GRSF1: variants seen among roughly 807,000 people sequenced by gnomAD.
GRSF1 encodes G-rich sequence factor 1.
Under a neutral mutation model 51.1 loss-of-function variants are expected in GRSF1, and 50 were observed. The observed-to-expected ratio is 0.98, with a 90% CI of 0.78 to 1.24. The LOEUF is 1.24. GRSF1 is among the 50% of genes most tolerant of loss of function. The pLI is 0.00. For missense variants in GRSF1, 700 were observed against 639.7 expected (o/e 1.09, Z -1.02); for synonymous variants, 293 against 253.3 (o/e 1.16, Z -1.49).
In GRSF1 at chr4:70,839,739, A is replaced by T; in HGVS notation, c.89T>A (p.Leu30Gln). 2 of 1,502,894 alleles carry T rather than the reference A, an allele frequency of 1.3e-6. No individual in the cohort carries two copies. Among genetic ancestry groups the T allele is most frequent in the Non-Finnish European group, 1.8e-6 (2 of 1,133,440 alleles). 93.1% of individuals were successfully genotyped at this position (1,502,894 alleles called of 1,614,324 possible). A position where few individuals can be genotyped will look rare whatever the true frequency, so the allele number is the denominator to read the frequency against. ...AGAGCCAGCGGCGGAGTAGAAGGGC[A>T]GGCAGGCGGCGCCGGTGCGCCGGCA... ...SSCRRTGAAC[L>Q]PFYSAAGSIP... The change falls in exon 1 of 10, where the codon CTG (leucine) becomes CAG (glutamine). Residue 30 changes from leucine (L) to glutamine (Q), a missense_variant. Physicochemically the swap from Leu to Gln is moderately radical, Grantham distance 113 (BLOSUM62 -2). Transcript: ENST00000254799.
intron 8 of GRSF1, 56 bp from the exon 9 acceptor site, chr4:70,824,424 C>A (rs1463273171): frequency 4.5e-6 from 4 of 894,006 alleles, no homozygotes; most frequent in East Asian, 5.3e-5. Flanking sequence ...AAAAATATTA[C>A]AGCCATTTTT....
At chr4:70,831,480 A>T in intron 5 of GRSF1, 59 bp downstream of exon 5, 3 of 1,466,432 alleles carry the variant, frequency 2.0e-6, no homozygotes, top group South Asian at 2.4e-5. Flanking sequence ...ATTACAGCAC[A>T]TTCATCAAAA....
At chr4:70,834,825 A>G (rs558333376) in intron 2 of GRSF1, among the ~76,000 whole-genome samples, 1 of 151,928 alleles carries the variant, frequency 6.6e-6, no homozygotes, top group Non-Finnish European at 1.5e-5. Context: ...GGGTTTCAAC[A>G]TGTTAGCCAG....
chr4:70,825,548 T>G, intron 7 of GRSF1, 117 bp from the exon 8 acceptor site: 1 of 683,356 alleles, frequency 1.5e-6, no homozygotes. Flanking sequence ...ACATTTCTTT[T>G]TAGGAAATCT....
intron 2 of GRSF1, among the ~76,000 whole-genome samples, chr4:70,834,780 C>A (rs1004808518): frequency 2.6e-5 from 4 of 152,080 alleles, no homozygotes; most frequent in African/African-American, 9.7e-5. Context: ...TGCCACCACG[C>A]CCGGCTAATT....
rs979777239 is a variant in GRSF1 at position 70,820,253 on chromosome 4, G to A, written c.*634C>T. On this transcript the variant is annotated 3_prime_UTR_variant, in exon 10 of 10. Transcript: ENST00000254799. ...ACGCCTTTAGCACAAGGCTTAGAAA[G>A]GCAAAACATTTCTAAAGACATAAAA... 6.6e-6 allele frequency: 1 copy of A among 152,572 alleles called. No homozygotes were observed. Among genetic ancestry groups the A allele is most frequent in the Admixed American group, 6.5e-5 (1 of 15,272 alleles). The allele number at this position is 152,572 out of a possible 1,614,324, so 9.5% of individuals were successfully genotyped here. A position where few individuals can be genotyped will look rare whatever the true frequency, so the allele number is the denominator to read the frequency against.
rs77486851 is a variant in GRSF1 at position 70,818,118 on chromosome 4, A to C, written c.*2769T>G. On this transcript the variant is annotated 3_prime_UTR_variant, in exon 10 of 10. Coordinates refer to ENST00000254799, the MANE Select transcript of GRSF1 (RefSeq NM_002092.4). ...CAATGGTGTGATCTTGGCTCGCTAC[A>C]ACCTCTGCCTCCCAGGTTCAAGCGA... The C allele has an allele frequency of 1.3e-5, 2 of 152,256 alleles. No individual in the cohort carries two copies. Among genetic ancestry groups the C allele is most frequent in the African/African-American group, 4.8e-5 (2 of 41,404 alleles). The allele number at this position is 152,256 out of a possible 1,614,324, so 9.4% of individuals were successfully genotyped here.
At chr4:70,824,551 G>A (rs946870384) in intron 8 of GRSF1, among the ~76,000 whole-genome samples, 183 bp from the exon 9 acceptor site, 3 of 152,098 alleles carry the variant, frequency 2.0e-5, no homozygotes, top group South Asian at 2.1e-4. Flanking sequence ...TTGGGAAGCC[G>A]AAGTGGGAGG....
chr4:70,842,933 G>A (rs1054647862), upstream of GRSF1, among the ~76,000 whole-genome samples: 5 of 152,068 alleles, frequency 3.3e-5, no homozygotes, highest in Middle Eastern at 3.2e-3. Flanking sequence ...AAGGTCACAC[G>A]CTCTCTCACA....
At chr4:70,838,866 G>T in intron 1 of GRSF1, 1 of 294,954 alleles carries the variant, frequency 3.4e-6, no homozygotes, top group Non-Finnish European at 6.6e-6. Flanking sequence ...AGTCCTTAAA[G>T]ACCTTCTGTA....
chr4:70,837,029 G>A lies in GRSF1; in HGVS notation c.358-715C>T, dbSNP rs1322358191. Among the ~76,000 whole-genome samples the A allele has an allele frequency of 2.6e-5, 4 of 152,300 alleles. No homozygotes were observed. The East Asian group carries it at 7.7e-4, about 29-fold the overall frequency. On this transcript the variant is annotated intron_variant, in intron 1 of 9. Coordinates refer to ENST00000254799, the MANE Select transcript of GRSF1 (RefSeq NM_002092.4). ...TCCTTCACTTGGTAGGCAAAGATAA[G>A]TTAATACAAGACACTGAGGACTGGG...
Position 70,816,275 on chromosome 4 carries a change from AG to A in GRSF1, c.*4611del, listed in dbSNP as rs1434741397. On this transcript the variant is annotated 3_prime_UTR_variant, in exon 10 of 10. Coordinates refer to ENST00000254799, the MANE Select transcript of GRSF1 (RefSeq NM_002092.4). ...TGAGGCAGGAGACTCCCTTGAACCC[AG>A]GAGGTGGAGGTTGCAGTGAGCCAAG... 6.8e-6 allele frequency: 1 copy of A among 146,020 alleles called. No individual in the cohort carries two copies. The highest frequency in any genetic ancestry group is 1.5e-5 in the Non-Finnish European group (1 of 66,516). 9.0% of individuals were successfully genotyped at this position (146,020 alleles called of 1,614,324 possible).
upstream of GRSF1, chr4:70,840,026 C>A (rs911554435): frequency 1.2e-5 from 6 of 508,548 alleles, no homozygotes; most frequent in East Asian, 2.1e-4. Flanking sequence ...GGCGGGGCTG[C>A]CCATGGTTTG....
chr4:70,838,865 A>G (rs1332971692), intron 1 of GRSF1: 6 of 293,826 alleles, frequency 2.0e-5, no homozygotes, highest in African/African-American at 1.4e-4. Flanking sequence ...CAGTCCTTAA[A>G]GACCTTCTGT....
chr4:70,830,105 G>T (rs1464077727), intron 5 of GRSF1, among the ~76,000 whole-genome samples: 1 of 152,094 alleles, frequency 6.6e-6, no homozygotes. Context: ...AAGGGGGGAA[G>T]AATAAGTAAG....
intron 5 of GRSF1, among the ~76,000 whole-genome samples, 191 bp downstream of exon 5, chr4:70,831,346 ACT>A (rs1379130417): frequency 1.3e-5 from 2 of 150,984 alleles, no homozygotes; most frequent in Admixed American, 6.6e-5. Context: ...AAAGAGTGAA[ACT>A]CTGTCTCAAA....
rs545296425 is a variant in GRSF1 at position 70,819,119 on chromosome 4, T to A, written c.*1768A>T. Reference sequence around the variant, plus strand: ...AGATATATCCTTTCAACCTTACCCATCCATCATATAGCATTTTAATGCTTT... The same window carrying A: ...AGATATATCCTTTCAACCTTACCCAACCATCATATAGCATTTTAATGCTTT... On this transcript the variant is annotated 3_prime_UTR_variant, in exon 10 of 10. Transcript: ENST00000254799. 6.6e-6 allele frequency: 1 copy of A among 152,252 alleles called. No individual in the cohort carries two copies. The highest frequency in any genetic ancestry group is 2.1e-4 in the South Asian group (1 of 4,830). 9.4% of individuals were successfully genotyped at this position (152,252 alleles called of 1,614,324 possible). A position where few individuals can be genotyped will look rare whatever the true frequency, so the allele number is the denominator to read the frequency against.
At chr4:70,830,393 TATC>T (rs1560598292) in intron 5 of GRSF1, among the ~76,000 whole-genome samples, 2 of 150,178 alleles carry the variant, frequency 1.3e-5, no homozygotes, top group East Asian at 2.0e-4. Context: ...TGTAGTGAGC[TATC>T]ATCATGCCAC....
intron 1 of GRSF1, among the ~76,000 whole-genome samples, chr4:70,838,364 T>C (rs1259356750): frequency 1.3e-5 from 2 of 152,146 alleles, no homozygotes; most frequent in Non-Finnish European, 2.9e-5. Flanking sequence ...AAAGGTTTAC[T>C]GGAGATGGTT....
Sources: gnomAD v4.1 joint callset for allele counts (sites outside exome capture counted in the v4.1 genomes callset) on GRCh38, gnomAD v4.1.1 for gene constraint, MANE v1.5 for transcripts, NCBI Gene and HGNC (gene_info 2026-07-23, HGNC 2026-07-21) for gene names.